The following RCSD1 variants were observed in gnomAD, a reference collection of about 807,000 sequenced individuals.
The protein encoded by RCSD1 is RCSD domain containing 1, also known as capZ-interacting protein.
RCSD1 carries 26 observed loss-of-function variants against 42.5 expected under a neutral mutation model. That is an observed-to-expected ratio of 0.61 (90% CI 0.45 to 0.85). The LOEUF (loss-of-function observed/expected upper bound fraction) is 0.85, where lower values mean the gene tolerates loss of function less well. Ranked by LOEUF, RCSD1 falls within the 40% of genes least tolerant of loss-of-function variation. The pLI is 0.00. For missense variants in RCSD1, 571 were observed against 528.3 expected (o/e 1.08, Z -0.79); for synonymous variants, 220 against 212.2 (o/e 1.04, Z -0.32).
intron 1 of RCSD1, among the ~76,000 whole-genome samples, chr1:167,639,172 A>C (rs561757607): frequency 3.9e-5 from 6 of 152,162 alleles, no homozygotes; most frequent in South Asian, 2.1e-4. Context: ...AGCAGAGATC[A>C]CGCCACTGCA....
Position 167,704,900 on chromosome 1 carries a change from A to G in RCSD1, c.*204A>G, listed in dbSNP as rs917889005. 4 of 543,944 alleles carry G rather than the reference A, an allele frequency of 7.4e-6. No homozygotes were observed. The highest frequency in any genetic ancestry group is 1.0e-5 in the Non-Finnish European group (3 of 299,606). The allele number at this position is 543,944 out of a possible 1,614,324, so 33.7% of individuals were successfully genotyped here. Reference sequence around the variant, plus strand: ...GCAGATGGAGACTGAATCTGAGGGCAGCAGACTTTTATCAGCTTGAGTTTA... The same window carrying G: ...GCAGATGGAGACTGAATCTGAGGGCGGCAGACTTTTATCAGCTTGAGTTTA... On this transcript the variant is annotated 3_prime_UTR_variant, in exon 7 of 7. Coordinates refer to ENST00000367854, the MANE Select transcript of RCSD1 (RefSeq NM_052862.4).
Position 167,697,338 on chromosome 1 carries a change from T to C in RCSD1, c.714T>C (p.Pro238=). The change falls in exon 6 of 7, where the codon CCT becomes CCC. Residue 238 remains proline (P), a synonymous_variant. Coordinates refer to ENST00000367854, the MANE Select transcript of RCSD1 (RefSeq NM_052862.4). ...CCCTGGGACCTGCTGAAAAGCCTCC[T>C]CTGAGGAGGTCACCCAGCAGGACAG... ...VRTLGPAEKP[P]LRRSPSRTEK... is the part of the protein sequence containing the mutation. The C allele has an allele frequency of 1.2e-6, 2 of 1,613,908 alleles. No individual in the cohort carries two copies. The highest frequency in any genetic ancestry group is 2.2e-5 in the South Asian group (2 of 91,070).
intron 1 of RCSD1, among the ~76,000 whole-genome samples, chr1:167,645,966 G>A (rs148163082): frequency 3.3e-5 from 5 of 152,126 alleles, no homozygotes; most frequent in African/African-American, 4.8e-5. Context: ...TCTAGAAGCC[G>A]AAATACCAGT....
chr1:167,639,930 C>A (rs983870814), intron 1 of RCSD1, among the ~76,000 whole-genome samples: 1 of 152,232 alleles, frequency 6.6e-6, no homozygotes, highest in Non-Finnish European at 1.5e-5. Context: ...TCTGGGGGAG[C>A]CCCTTGGCCC....
chr1:167,672,557 G>T (rs1658836110), intron 1 of RCSD1, among the ~76,000 whole-genome samples: 1 of 152,146 alleles, frequency 6.6e-6, no homozygotes, highest in Admixed American at 6.5e-5. Context: ...CATCTTCAAA[G>T]ACAGCAATGG....
intron 1 of RCSD1, among the ~76,000 whole-genome samples, chr1:167,666,931 C>T (rs1044772739): frequency 6.6e-6 from 1 of 152,226 alleles, no homozygotes; most frequent in Admixed American, 6.5e-5. Context: ...GACAATTCTT[C>T]CACTGTGGCC....
chr1:167,659,745 A>T (rs1422223639), intron 1 of RCSD1, among the ~76,000 whole-genome samples: 2 of 151,528 alleles, frequency 1.3e-5, no homozygotes, highest in East Asian at 3.9e-4. Flanking sequence ...CCCCTCCCCC[A>T]TTTGCTCCTT....
intron 1 of RCSD1, among the ~76,000 whole-genome samples, chr1:167,667,634 T>C (rs970259596): frequency 7.2e-5 from 11 of 152,176 alleles, no homozygotes; most frequent in East Asian, 3.8e-4. Context: ...GAGGCTCAGA[T>C]TGTTAAGTAA....
intron 1 of RCSD1, among the ~76,000 whole-genome samples, chr1:167,634,131 G>A (rs986990033): frequency 9.2e-5 from 14 of 152,126 alleles, no homozygotes; most frequent in East Asian, 3.8e-4. Flanking sequence ...TTCCCCTCTC[G>A]GTCTGTAGCT....
chr1:167,650,912 G>A (rs1658285127), intron 1 of RCSD1, among the ~76,000 whole-genome samples: 1 of 152,186 alleles, frequency 6.6e-6, no homozygotes, highest in Admixed American at 6.5e-5. Context: ...GCCATGGACT[G>A]GATGGCTTAG....
chr1:167,668,545 C>A (rs558445996), intron 1 of RCSD1, among the ~76,000 whole-genome samples: 1 of 152,196 alleles, frequency 6.6e-6, no homozygotes, highest in South Asian at 2.1e-4. Context: ...TCCTCTTCAG[C>A]ATTTATCACC....
intron 1 of RCSD1, among the ~76,000 whole-genome samples, chr1:167,672,417 A>T (rs953507250): frequency 4.6e-5 from 7 of 152,196 alleles, no homozygotes; most frequent in African/African-American, 1.7e-4. Flanking sequence ...TCAAAAGCTC[A>T]AGATGGACTA....
At chr1:167,683,820 T>C in intron 1 of RCSD1, 80 bp from the exon 2 acceptor site, 1 of 1,302,918 alleles carries the variant, frequency 7.7e-7, no homozygotes, top group Non-Finnish European at 1.1e-6. Context: ...GCATTCCTGC[T>C]TGCAGCCACA....
At chr1:167,695,328 G>A (rs1403375844) in intron 5 of RCSD1, among the ~76,000 whole-genome samples, 1 of 152,212 alleles carries the variant, frequency 6.6e-6, no homozygotes, top group Non-Finnish European at 1.5e-5. Context: ...AGCAGCAAGA[G>A]GAAGTTATTT....
chr1:167,637,730 C>CCACACA (rs66925392), intron 1 of RCSD1, among the ~76,000 whole-genome samples: 91 of 146,832 alleles, frequency 6.2e-4, no homozygotes, highest in African/African-American at 2.1e-3. Context: ...TAGGAATAGA[C>CCACACA]CACACACACA....
At chr1:167,673,380 C>A (rs1658859539) in intron 1 of RCSD1, among the ~76,000 whole-genome samples, 1 of 152,230 alleles carries the variant, frequency 6.6e-6, no homozygotes, top group African/African-American at 2.4e-5. Context: ...ATCATCTCGG[C>A]TTAAGAAATG....
chr1:167,656,591 T>A (rs925999865), intron 1 of RCSD1, among the ~76,000 whole-genome samples: 2 of 152,158 alleles, frequency 1.3e-5, no homozygotes, highest in Non-Finnish European at 2.9e-5. Context: ...TTTTGAAAAA[T>A]GACCCAATGT....
chr1:167,640,551 C>A (rs1657979733), intron 1 of RCSD1: 1 of 151,622 alleles, frequency 6.6e-6, no homozygotes, highest in Non-Finnish European at 1.5e-5. Flanking sequence ...GTGAGCATAT[C>A]TTTTTTTTTC....
chr1:167,695,326 G>A (rs1167798002), intron 5 of RCSD1, among the ~76,000 whole-genome samples: 2 of 152,220 alleles, frequency 1.3e-5, no homozygotes, highest in African/African-American at 4.8e-5. Flanking sequence ...ACAGCAGCAA[G>A]AGGAAGTTAT....
Sources: gnomAD v4.1 joint callset for allele counts (sites outside exome capture counted in the v4.1 genomes callset) on GRCh38, gnomAD v4.1.1 for gene constraint, MANE v1.5 for transcripts, NCBI Gene and HGNC (gene_info 2026-07-23, HGNC 2026-07-21) for gene names.